PTPRR: variants seen among roughly 807,000 people sequenced by gnomAD.
The protein encoded by PTPRR is receptor-type tyrosine-protein phosphatase R.
In PTPRR, 38 loss-of-function variants were observed where a neutral mutation model predicts 77.2. The ratio of observed to expected loss-of-function variants is 0.49; its 90% CI spans 0.38 to 0.65. PTPRR has a LOEUF of 0.65. Ranked by LOEUF, PTPRR falls within the 30% of genes least tolerant of loss-of-function variation. PTPRR has a pLI of 0.00. For synonymous variants in PTPRR, 299 were observed against 283.1 expected, an observed-to-expected ratio of 1.06 and a Z score of -0.57; for missense variants, 744 against 799.2, an observed-to-expected ratio of 0.93 and a Z score of 0.83.
chr12:70,710,458 A>T (rs1888785157), intron 6 of PTPRR, among the ~76,000 whole-genome samples: 1 of 152,174 alleles, frequency 6.6e-6, no homozygotes, highest in Admixed American at 6.6e-5. Context: ...CTTTAAGAAA[A>T]TCCAGACAAT....
At chr12:70,776,800 C>G (rs965134416) in intron 2 of PTPRR, among the ~76,000 whole-genome samples, 2 of 152,046 alleles carry the variant, frequency 1.3e-5, no homozygotes, top group Non-Finnish European at 2.9e-5. Flanking sequence ...TGACTTCTCC[C>G]CCTTCTTTTG....
At chr12:70,661,523 A>T (rs1457480412) in intron 11 of PTPRR, among the ~76,000 whole-genome samples, 1 of 152,192 alleles carries the variant, frequency 6.6e-6, no homozygotes, top group African/African-American at 2.4e-5. Context: ...CATATCAGTC[A>T]TGCTAATACT....
intron 2 of PTPRR, among the ~76,000 whole-genome samples, chr12:70,836,416 T>G (rs1030153334): frequency 3.9e-5 from 6 of 151,990 alleles, no homozygotes; most frequent in Admixed American, 6.6e-5. Flanking sequence ...TACAAATGTT[T>G]TCTTTACCCT....
chr12:70,665,364 C>CTTTTT (rs72472808), intron 10 of PTPRR, among the ~76,000 whole-genome samples: 866 of 44,788 alleles, frequency 0.019, 24 homozygotes, highest in Middle Eastern at 0.033. Context: ...AATGCAAATT[C>CTTTTT]TTTTTTTTTT....
chr12:70,769,402 C>A (rs1361817485), intron 2 of PTPRR, among the ~76,000 whole-genome samples: 1 of 152,030 alleles, frequency 6.6e-6, no homozygotes, highest in Non-Finnish European at 1.5e-5. Flanking sequence ...AGTGAACTCC[C>A]ATTCACAATT....
At chr12:70,795,423 T>C (rs1223048398) in intron 2 of PTPRR, among the ~76,000 whole-genome samples, 2 of 152,158 alleles carry the variant, frequency 1.3e-5, no homozygotes, top group African/African-American at 4.8e-5. Flanking sequence ...CAAATGAAAA[T>C]TTCATAGTAA....
chr12:70,791,865 A>G (rs1322207761), intron 2 of PTPRR, among the ~76,000 whole-genome samples: 2 of 151,860 alleles, frequency 1.3e-5, no homozygotes, highest in Non-Finnish European at 2.9e-5. Flanking sequence ...CAAAATTACC[A>G]TGTGTATCTG....
At chr12:70,727,346 A>AT (rs1179057396) in intron 6 of PTPRR, among the ~76,000 whole-genome samples, 2 of 152,154 alleles carry the variant, frequency 1.3e-5, no homozygotes, top group Non-Finnish European at 2.9e-5. Context: ...AGTTTCCAGA[A>AT]AAGGGATTGA....
Position 70,698,344 on chromosome 12 carries a change from T to C in PTPRR, c.1200A>G (p.Ile400Met), listed in dbSNP as rs199666771. 54 of 1,612,120 alleles carry C rather than the reference T, an allele frequency of 3.3e-5. No homozygotes were observed. In the Admixed American group the frequency reaches 9.0e-4, roughly 27 times the overall value. Residue 400 changes from isoleucine to methionine, a missense_variant, in exon 8 of 14, where the codon ATA (isoleucine) becomes ATG (methionine). Transcript: ENST00000283228. ...SHLLQSEFME[I>M]PMNFVDPKEI... ...CTTTGGGATCCACAAAGTTCATTGG[T>C]ATTTCCTGCAAAAATAAATAATATC...
At chr12:70,680,082 G>A (rs1362541748) in intron 10 of PTPRR, among the ~76,000 whole-genome samples, 1 of 151,722 alleles carries the variant, frequency 6.6e-6, no homozygotes, top group Non-Finnish European at 1.5e-5. Flanking sequence ...GTTATTCTGG[G>A]GCTTATGTAA....
chr12:70,651,928 C>T (rs1361158112), intron 13 of PTPRR, among the ~76,000 whole-genome samples: 2 of 151,650 alleles, frequency 1.3e-5, no homozygotes, highest in East Asian at 3.9e-4. Flanking sequence ...GGCCAAGATG[C>T]TTCTTTTCCT....
intron 6 of PTPRR, among the ~76,000 whole-genome samples, chr12:70,719,409 G>C (rs1040479804): frequency 2.6e-5 from 4 of 151,900 alleles, no homozygotes; most frequent in Admixed American, 2.0e-4. Flanking sequence ...ACAGCAAAAC[G>C]GTGCTTTATC....
chr12:70,879,458 A>G (rs1257058702), intron 2 of PTPRR, among the ~76,000 whole-genome samples: 1 of 152,016 alleles, frequency 6.6e-6, no homozygotes, highest in Admixed American at 6.6e-5. Context: ...ACGATCTCAA[A>G]GGCAGTCTAT....
intron 6 of PTPRR, among the ~76,000 whole-genome samples, chr12:70,727,794 A>T (rs750279834): frequency 3.9e-5 from 6 of 152,212 alleles, no homozygotes; most frequent in Admixed American, 2.0e-4. Context: ...CTTGAACATC[A>T]CATGATCTAC....
intron 7 of PTPRR, 23 bp downstream of exon 7, chr12:70,701,114 T>C (rs748004006): frequency 5.6e-6 from 9 of 1,612,200 alleles, no homozygotes; most frequent in Non-Finnish European, 7.6e-6. Context: ...GACTGAAGAG[T>C]GAACAATAAA....
intron 2 of PTPRR, among the ~76,000 whole-genome samples, chr12:70,819,493 C>A (rs1016199047): frequency 3.9e-5 from 6 of 152,112 alleles, no homozygotes; most frequent in African/African-American, 1.4e-4. Context: ...TCCATCTGCT[C>A]AAAATTTTCA....
At chr12:70,867,661 T>G (rs2137086788) in intron 2 of PTPRR, among the ~76,000 whole-genome samples, 1 of 152,168 alleles carries the variant, frequency 6.6e-6, no homozygotes. Flanking sequence ...ACCAATGACT[T>G]TCTTCACAGA....
chr12:70,765,710 C>T (rs1175466961), intron 2 of PTPRR, among the ~76,000 whole-genome samples: 3 of 152,210 alleles, frequency 2.0e-5, no homozygotes, highest in East Asian at 3.9e-4. Context: ...ACTGCCTCCT[C>T]AAGTGGGTCC....
chr12:70,643,067 G>T (rs1237378840), intron 13 of PTPRR, among the ~76,000 whole-genome samples: 1 of 152,164 alleles, frequency 6.6e-6, no homozygotes, highest in Non-Finnish European at 1.5e-5. Flanking sequence ...CTACACAGGA[G>T]GTTGAGGCCA....
Sources: allele counts gnomAD v4.1 joint callset (sites outside exome capture counted in the v4.1 genomes callset), GRCh38; gene constraint gnomAD v4.1.1; transcripts MANE v1.5; gene names NCBI Gene and HGNC (gene_info 2026-07-23, HGNC 2026-07-21).